Variants in GPCPD1 observed in about 807,000 individuals in gnomAD.
GPCPD1 encodes glycerophosphocholine phosphodiesterase GPCPD1.
GPCPD1 carries 29 observed loss-of-function variants against 89.2 expected under a neutral mutation model. The observed-to-expected ratio is 0.33, with a 90% confidence interval of 0.24 to 0.44. The LOEUF (loss-of-function observed/expected upper bound fraction) is 0.44. GPCPD1 is among the 20% of genes least tolerant of loss of function. GPCPD1 has a pLI of 1.00. For synonymous variants in GPCPD1, 258 were observed against 266.3 expected, an observed-to-expected ratio of 0.97 and a Z score of 0.30; for missense variants, 594 against 808.9, an observed-to-expected ratio of 0.73 and a Z score of 3.22.
chr20:5,593,277 C>A, intron 4 of GPCPD1, 50 bp downstream of exon 4: 3 of 910,040 alleles, frequency 3.3e-6, no homozygotes, highest in Non-Finnish European at 3.6e-6. Flanking sequence ...AAGTGAGTTG[C>A]TTTTGAAGGA....
At chr20:5,596,353 T>C (rs1003066560) in intron 3 of GPCPD1, among the ~76,000 whole-genome samples, 1 of 151,946 alleles carries the variant, frequency 6.6e-6, no homozygotes, top group African/African-American at 2.4e-5. Context: ...AATCGTGTCA[T>C]CGCACTCCAG....
At position 5,593,381 on chromosome 20, in the gene GPCPD1, A is replaced by C; in HGVS notation, c.177T>G (p.Ser59Arg). The change falls in exon 4 of 20, where the codon AGT becomes AGG. Residue 59 changes from serine to arginine, a missense_variant. Physicochemically the swap from Ser to Arg is moderately radical, Grantham distance 110. Transcript: ENST00000379019. ...AGCGATACTGAACTGATACTCCTCT[A>C]CTGAGTACAATGGTTGCTTTCCATA... ...SMLWKATIVL[S>R]RGVSVQYRYF... is the part of the protein sequence containing the mutation. 6.3e-7 allele frequency: 1 copy of C among 1,596,872 alleles called. No individual in the cohort carries two copies. Among genetic ancestry groups the C allele is most frequent in the Non-Finnish European group, 8.6e-7 (1 of 1,164,818 alleles).
Position 5,590,553 on chromosome 20 carries a change from A to AAAAAAAAAAAAAAAAAAAAAC in GPCPD1, c.231+2773_231+2774insGTTTTTTTTTTTTTTTTTTTT, listed in dbSNP as rs1979256953. On this transcript the variant is annotated intron_variant, in intron 4 of 19. Transcript: ENST00000379019. ...ACAAGACTCTGTCTCAAAAAAAAAA[A>AAAAAAAAAAAAAAAAAAAAAC]TCTCTATTTTTAGTACAACCAGTAA... Among the ~76,000 whole-genome samples the AAAAAAAAAAAAAAAAAAAAAC allele has an allele frequency of 2.0e-5, 3 of 150,864 alleles. 1 individual carries two copies. Among genetic ancestry groups the AAAAAAAAAAAAAAAAAAAAAC allele is most frequent in the Non-Finnish European group, 3.0e-5 (2 of 67,700 alleles).
chr20:5,552,013 G>C (rs934840568), intron 19 of GPCPD1, among the ~76,000 whole-genome samples: 62 of 152,112 alleles, frequency 4.1e-4, no homozygotes, highest in Non-Finnish European at 1.3e-4. Context: ...TAGAAATAGA[G>C]GTAACTGCCA....
rs554898092 is a variant in GPCPD1, at chr20:5,546,735, A to C, written c.*926T>G. On this transcript the variant is annotated 3_prime_UTR_variant, in exon 20 of 20. Coordinates refer to ENST00000379019, the MANE Select transcript of GPCPD1 (RefSeq NM_019593.5). The stretch of plus-strand genomic sequence containing the variant: ...CAAACCCACAAAGCAACAGTGTGTA[A>C]TAGGTAGTGAGAGACACACAAAATA... 12 of 152,772 alleles carry C rather than the reference A, an allele frequency of 7.9e-5. No individual in the cohort carries two copies. In the South Asian group the frequency reaches 2.3e-3, roughly 29 times the overall value. The allele number at this position is 152,772 out of a possible 1,614,324, so 9.5% of individuals were successfully genotyped here.
At chr20:5,584,034 T>C (rs567063547) in intron 6 of GPCPD1, among the ~76,000 whole-genome samples, 2 of 152,338 alleles carry the variant, frequency 1.3e-5, no homozygotes, top group East Asian at 3.9e-4. Context: ...TGCTTAACAA[T>C]GAAGATAAGT....
intron 4 of GPCPD1, among the ~76,000 whole-genome samples, chr20:5,588,925 T>C (rs1481146882): frequency 6.6e-6 from 1 of 152,242 alleles, no homozygotes; most frequent in Non-Finnish European, 1.5e-5. Flanking sequence ...TTGTTTTGTT[T>C]TAATTCAGAT....
In GPCPD1 at chr20:5,558,066, A is replaced by G; in HGVS notation, c.1708T>C (p.Ser570Pro). ...TTAGCTTTTGCCTCTTGAATATAGG[A>G]TGGGTTTCTGAGCAAGTCTTCAGTA... ...VHTEDLLRNP[S>P]YIQEAKAKGL... Residue 570 changes from serine to proline, a missense_variant, in exon 19 of 20, where the codon TCC (serine) becomes CCC (proline). Ser to Pro is a moderately conservative substitution (Grantham distance 74, BLOSUM62 -1). Transcript: ENST00000379019. 6.2e-7 allele frequency: 1 copy of G among 1,603,000 alleles called. No homozygotes were observed. The highest frequency in any genetic ancestry group is 8.5e-7 in the Non-Finnish European group (1 of 1,171,084).
rs577328121 is a variant in GPCPD1, at chr20:5,578,072, G to T, written c.705+308C>A. Among the ~76,000 whole-genome samples, 5 of 152,250 alleles carry T rather than the reference G, an allele frequency of 3.3e-5. No individual in the cohort carries two copies. In the South Asian group the frequency reaches 1.0e-3, roughly 32 times the overall value. On this transcript the variant is annotated intron_variant, in intron 8 of 19. Transcript: ENST00000379019. The stretch of plus-strand genomic sequence containing the variant: ...ATGCCCGCCAAGAGGTACAAAGCCT[G>T]CCCTGGTCTCTATTTACCACTGATG...
chr20:5,547,395 C>T lies in GPCPD1; in HGVS notation c.*266G>A, dbSNP rs1985083612. The T allele has an allele frequency of 5.2e-6, 1 of 194,144 alleles. No individual in the cohort carries two copies. The highest frequency in any genetic ancestry group is 1.0e-5 in the Non-Finnish European group (1 of 96,672). The allele number at this position is 194,144 out of a possible 1,614,324, so 12.0% of individuals were successfully genotyped here. A position where few individuals can be genotyped will look rare whatever the true frequency, so the allele number is the denominator to read the frequency against. ...ATGCTTTTAATGAACATATGTTTAA[C>T]ATTATAGATTTATATATTTAGTTTA... On this transcript the variant is annotated 3_prime_UTR_variant, in exon 20 of 20. Transcript: ENST00000379019.
At chr20:5,584,483 A>C (rs1266521631) in intron 5 of GPCPD1, 161 bp from the exon 6 acceptor site, 4 of 466,784 alleles carry the variant, frequency 8.6e-6, no homozygotes, top group Non-Finnish European at 3.9e-6. Context: ...CTCAATAAAG[A>C]ATTCCCTTTA....
intron 19 of GPCPD1, 37 bp downstream of exon 19, chr20:5,557,908 C>A: frequency 1.7e-6 from 2 of 1,211,246 alleles, no homozygotes; most frequent in Middle Eastern, 3.9e-4. Flanking sequence ...ATCTATACTT[C>A]TAAATTCCAT....
At chr20:5,550,251 AAAGT>A (rs1188920244) in intron 19 of GPCPD1, among the ~76,000 whole-genome samples, 7 of 150,872 alleles carry the variant, frequency 4.6e-5, no homozygotes, top group African/African-American at 1.5e-4. Flanking sequence ...GAATGAGTAG[AAAGT>A]AAGATTGAGA....
At chr20:5,582,370 G>T (rs79741314) in intron 6 of GPCPD1, among the ~76,000 whole-genome samples, 5,409 of 152,012 alleles carry the variant, frequency 0.036, 194 homozygotes, top group African/African-American at 0.09. Context: ...TCAAGGAAAA[G>T]ATGTCAAATT....
At chr20:5,568,361 GACAGTAAGA>G (rs1229451290) in intron 12 of GPCPD1, among the ~76,000 whole-genome samples, 1 of 150,328 alleles carries the variant, frequency 6.7e-6, no homozygotes, top group African/African-American at 2.4e-5. Flanking sequence ...TTAAAAGTAA[GACAGTAAGA>G]ACAAGGAAAA....
At position 5,565,729 on chromosome 20, in the gene GPCPD1, C is replaced by T. The variant is rs1340300641; in HGVS notation, c.1268-651G>A. On this transcript the variant is annotated intron_variant, in intron 14 of 19. Transcript: ENST00000379019. ...ACAAGCTGTGATTTTGCTATTTCTC[C>T]AGAGAATTAAGAGTTGTGTGATTTT... 2.6e-5 allele frequency among the ~76,000 whole-genome samples: 4 copies of T among 152,120 alleles called. No individual in the cohort carries two copies. In the East Asian group the frequency reaches 7.7e-4, roughly 29 times the overall value.
intron 4 of GPCPD1, among the ~76,000 whole-genome samples, chr20:5,591,453 G>T (rs577878672): frequency 2.0e-5 from 3 of 152,080 alleles, no homozygotes; most frequent in Non-Finnish European, 2.9e-5. Context: ...GTCCATAATC[G>T]CAAAACTTTT....
At chr20:5,581,980 C>A (rs1389247624) in intron 6 of GPCPD1, among the ~76,000 whole-genome samples, 1 of 147,818 alleles carries the variant, frequency 6.8e-6, no homozygotes, top group East Asian at 2.0e-4. Flanking sequence ...GTCAGGAGAT[C>A]GAGACCATCC....
At chr20:5,582,555 C>T (rs937519632) in intron 6 of GPCPD1, among the ~76,000 whole-genome samples, 5 of 152,292 alleles carry the variant, frequency 3.3e-5, no homozygotes, top group African/African-American at 7.2e-5. Flanking sequence ...ATTCCGCCCA[C>T]CCGCTTTCCA....
Sources: allele counts gnomAD v4.1 joint callset (sites outside exome capture counted in the v4.1 genomes callset), GRCh38; gene constraint gnomAD v4.1.1; transcripts MANE v1.5; gene names NCBI Gene and HGNC (gene_info 2026-07-23, HGNC 2026-07-21).